Variants in CARMIL1 observed in about 807,000 individuals in gnomAD.
CARMIL1 encodes the protein F-actin-uncapping protein LRRC16A.
In CARMIL1, 90 loss-of-function variants were observed where a neutral mutation model predicts 177.1. The observed-to-expected ratio is 0.51, with a 90% confidence interval of 0.43 to 0.61. The LOEUF is 0.61. CARMIL1 is among the 20% of genes least tolerant of loss of function. CARMIL1 has a pLI of 0.00. For missense variants in CARMIL1, 1,380 were observed against 1,667.0 expected, an observed-to-expected ratio of 0.83 and a Z score of 3.00; for synonymous variants, 577 against 606.2, an observed-to-expected ratio of 0.95 and a Z score of 0.71.
rs543961141 is a variant in CARMIL1, at chr6:25,530,231, G to A, written c.2067+1338G>A. ...CTTAAAGCGTTCCAGAAAGAAAAGA[G>A]TTCCAGGCCAGACACTGTGGCTCAC... On this transcript the variant is annotated intron_variant, in intron 24 of 36. Coordinates refer to ENST00000329474, the MANE Select transcript of CARMIL1 (RefSeq NM_017640.6). 3.3e-5 allele frequency among the ~76,000 whole-genome samples: 5 copies of A among 152,128 alleles called. No individual in the cohort carries two copies. In the South Asian group the frequency reaches 1.0e-3, roughly 32 times the overall value.
chr6:25,394,699 A>G (rs1171214677), intron 2 of CARMIL1, among the ~76,000 whole-genome samples: 1 of 152,198 alleles, frequency 6.6e-6, no homozygotes, highest in Non-Finnish European at 1.5e-5. Context: ...AATATAAATA[A>G]CCGTACTGAA....
chr6:25,510,520 CCTAT>C lies in CARMIL1; in HGVS notation c.1495_1498del (p.Ser499ProfsTer2). On this transcript the variant is annotated frameshift_variant, in exon 19 of 37. Transcript: ENST00000329474. LOFTEE classifies it high-confidence loss of function. ...GATTCTTTCCAGGTTTAGAATCTGACCTATCTACCTTAATAGTGTGGCTCAGTAA... is the reference window on the plus strand; with the variant it reads ...GATTCTTTCCAGGTTTAGAATCTGACCTACCTTAATAGTGTGGCTCAGTAA... 1 of 1,546,480 alleles carries C rather than the reference CCTAT, an allele frequency of 6.5e-7. No homozygotes were observed.
At chr6:25,547,182 A>G (rs946253012) in intron 26 of CARMIL1, among the ~76,000 whole-genome samples, 4 of 152,194 alleles carry the variant, frequency 2.6e-5, no homozygotes, top group Admixed American at 2.6e-4. Context: ...GAAATTCTAA[A>G]ATAAAAATAT....
intron 13 of CARMIL1, among the ~76,000 whole-genome samples, chr6:25,489,497 A>G (rs1802982637): frequency 6.6e-6 from 1 of 152,214 alleles, no homozygotes; most frequent in Non-Finnish European, 1.5e-5. Context: ...TCTTTGACAC[A>G]GTGGATTAGG....
At chr6:25,296,595 A>G (rs113554778) in intron 2 of CARMIL1, among the ~76,000 whole-genome samples, 39 of 152,264 alleles carry the variant, frequency 2.6e-4, no homozygotes, top group African/African-American at 8.4e-4. Flanking sequence ...TTTTAAGGCA[A>G]TCTCTCTGCT....
chr6:25,340,690 G>A (rs1462806238), intron 2 of CARMIL1, among the ~76,000 whole-genome samples: 3 of 150,898 alleles, frequency 2.0e-5, no homozygotes, highest in Non-Finnish European at 4.4e-5. Context: ...CATGCTACGA[G>A]GGGAAATCCA....
chr6:25,362,286 A>G lies in CARMIL1; in HGVS notation c.139-57828A>G, dbSNP rs1361589334. On this transcript the variant is annotated intron_variant, in intron 2 of 36. Coordinates refer to ENST00000329474, the MANE Select transcript of CARMIL1 (RefSeq NM_017640.6). ...TTAAAAAAGAAAATCAGTAAAAGTC[A>G]CTTCCCCTAATGCCTACAGTTGTCA... Among the ~76,000 whole-genome samples the G allele has an allele frequency of 2.6e-5, 4 of 152,230 alleles. No individual in the cohort carries two copies. The East Asian group carries it at 7.7e-4, about 29-fold the overall frequency.
At position 25,333,010 on chromosome 6, in the gene CARMIL1, G is replaced by C. The variant is rs115239492; in HGVS notation, c.138+48101G>C. 6.0e-3 allele frequency among the ~76,000 whole-genome samples: 916 copies of C among 152,164 alleles called. 6 individuals are homozygous for C. Among genetic ancestry groups the C allele is most frequent in the African/African-American group, 0.02 (824 of 41,488 alleles). On this transcript the variant is annotated intron_variant, in intron 2 of 36. Transcript: ENST00000329474. ...TTGAAGAGAGAGGCTCTCTTTTTCT[G>C]CTGGAGAGACTAAATGGTTTACACT...
chr6:25,300,367 A>T (rs1782757887), intron 2 of CARMIL1, among the ~76,000 whole-genome samples: 2 of 152,220 alleles, frequency 1.3e-5, no homozygotes, highest in South Asian at 4.1e-4. Flanking sequence ...CTGATAACTT[A>T]TCAAAAATGC....
chr6:25,449,275 G>A lies in CARMIL1; in HGVS notation c.372-623G>A, dbSNP rs143988570. Among the ~76,000 whole-genome samples, 85 of 152,290 alleles carry A rather than the reference G, an allele frequency of 5.6e-4. No individual in the cohort carries two copies. In the East Asian group the frequency reaches 0.012, roughly 22 times the overall value. The stretch of plus-strand genomic sequence containing the variant: ...CTCAGAAACTGACAAATTCAGAAAT[G>A]TGTCAGTTCCTGAAAAAGGAAACTT... On this transcript the variant is annotated intron_variant, in intron 5 of 36. Transcript: ENST00000329474.
chr6:25,567,576 C>T (rs1007590925), intron 29 of CARMIL1, among the ~76,000 whole-genome samples: 1 of 152,180 alleles, frequency 6.6e-6, no homozygotes. Flanking sequence ...TGTTTTCCTT[C>T]TTGCCTGATA....
At chr6:25,305,906 C>CT (rs1417702591) in intron 2 of CARMIL1, among the ~76,000 whole-genome samples, 18 of 152,264 alleles carry the variant, frequency 1.2e-4, no homozygotes, top group South Asian at 2.1e-4. Context: ...TAAAAATATC[C>CT]TTTTTTTCAT....
chr6:25,561,415 T>C (rs1018178067), intron 29 of CARMIL1, among the ~76,000 whole-genome samples: 40 of 152,324 alleles, frequency 2.6e-4, no homozygotes, highest in Admixed American at 2.0e-3. Flanking sequence ...ATACCAGTTT[T>C]AAATCAAAAG....
In CARMIL1 at chr6:25,600,596, G is replaced by A. The variant is rs926660762; in HGVS notation, c.3402G>A (p.Glu1134=). 17 of 1,613,874 alleles carry A rather than the reference G, an allele frequency of 1.1e-5. No homozygotes were observed. Among genetic ancestry groups the A allele is most frequent in the Non-Finnish European group, 1.3e-5 (15 of 1,179,896 alleles). The change falls in exon 33 of 37, where the codon GAG becomes GAA. Residue 1134 remains glutamate (E), a synonymous_variant. Transcript: ENST00000329474. ...EEIKTPDSFE[E]SQGEEIGKVE... is the part of the protein sequence containing the mutation. ...TAAAAACACCTGACTCCTTTGAAGA[G>A]AGTCAAGGGGAAGAAATAGGGAAGG...
Position 25,279,628 on chromosome 6 carries a change from T to G in CARMIL1, c.-168T>G, listed in dbSNP as rs1581423221. On this transcript the variant is annotated 5_prime_UTR_variant, in exon 1 of 37. Transcript: ENST00000329474. ...TTGCAACTCTTTTTTTTTTTTTTGGTGGGGCGGGGGGCGCGCGGCAAAATT... is the reference window on the plus strand; with the variant it reads ...TTGCAACTCTTTTTTTTTTTTTTGGGGGGGCGGGGGGCGCGCGGCAAAATT... 12 of 596,484 alleles carry G rather than the reference T, an allele frequency of 2.0e-5. No homozygotes were observed. Among genetic ancestry groups the G allele is most frequent in the Admixed American group, 2.9e-5 (1 of 34,174 alleles). 36.9% of individuals were successfully genotyped at this position (596,484 alleles called of 1,614,324 possible).
rs564436512 is a variant in CARMIL1, at chr6:25,535,553, A to G, written c.2068-2302A>G. ...CTATGGCCGTCAACAACTTTTCTGT[A>G]TTGCTTTAGAGAAACTGAACACTAT... is the stretch of plus-strand genomic sequence containing the variant. On this transcript the variant is annotated intron_variant, in intron 24 of 36. Transcript: ENST00000329474. Among the ~76,000 whole-genome samples the G allele has an allele frequency of 9.2e-5, 14 of 152,278 alleles. No homozygotes were observed. The South Asian group carries it at 2.3e-3, about 25-fold the overall frequency.
At chr6:25,336,097 G>A (rs569991845) in intron 2 of CARMIL1, among the ~76,000 whole-genome samples, 2 of 151,646 alleles carry the variant, frequency 1.3e-5, no homozygotes, top group Non-Finnish European at 2.9e-5. Context: ...ATATTTCCAG[G>A]AGAAAAAAAA....
intron 31 of CARMIL1, among the ~76,000 whole-genome samples, chr6:25,593,595 G>A (rs1053165963): frequency 1.3e-5 from 2 of 152,190 alleles, no homozygotes; most frequent in South Asian, 2.1e-4. Flanking sequence ...GGATCCAGGC[G>A]TGGCTTATTC....
intron 5 of CARMIL1, among the ~76,000 whole-genome samples, chr6:25,440,331 TGAAAG>T (rs1390591298): frequency 6.6e-6 from 1 of 152,146 alleles, no homozygotes; most frequent in Non-Finnish European, 1.5e-5. Context: ...GAGAGAGTAG[TGAAAG>T]GAAAGGCAAT....
Sources: allele counts gnomAD v4.1 joint callset (sites outside exome capture counted in the v4.1 genomes callset), GRCh38; gene constraint gnomAD v4.1.1; transcripts MANE v1.5; gene names NCBI Gene and HGNC (gene_info 2026-07-23, HGNC 2026-07-21).